XRCC4: variants seen among roughly 807,000 people sequenced by gnomAD.
XRCC4 encodes the protein DNA repair protein XRCC4.
A neutral mutation model predicts 39.1 loss-of-function variants in XRCC4; 28 were observed. That is an observed-to-expected ratio of 0.72 (90% confidence interval 0.53 to 0.98). XRCC4 has a LOEUF of 0.98. Among genes scored for constraint, XRCC4 ranks in the 50% least tolerant of loss-of-function variants. The pLI is 0.00. For synonymous variants in XRCC4, 123 were observed against 126.4 expected (o/e 0.97, Z 0.18); for missense variants, 350 against 376.4 (o/e 0.93, Z 0.58).
the XRCC4 span, among the ~76,000 whole-genome samples, chr5:83,362,294 CAAAAAAAAA>C: frequency 4.1e-5 from 3 of 73,184 alleles, no homozygotes; most frequent in South Asian, 5.4e-4. Flanking sequence ...GCTATTTAGG[CAAAAAAAAA>C]AAAAAAAAAA....
At chr5:83,279,174 T>G (rs1050947020) in intron 7 of XRCC4, among the ~76,000 whole-genome samples, 3 of 150,428 alleles carry the variant, frequency 2.0e-5, no homozygotes, top group Admixed American at 6.7e-5. Flanking sequence ...AAAATAGGGA[T>G]GCATAGTGCT....
chr5:83,093,373 A>G (rs1204745254), intron 1 of XRCC4, among the ~76,000 whole-genome samples: 2 of 152,240 alleles, frequency 1.3e-5, no homozygotes, highest in Admixed American at 1.3e-4. Context: ...AGAGAACTTC[A>G]ATGCACCACT....
chr5:83,304,315 A>T (rs1755402439), intron 7 of XRCC4, among the ~76,000 whole-genome samples: 1 of 151,840 alleles, frequency 6.6e-6, no homozygotes, highest in African/African-American at 2.4e-5. Flanking sequence ...GTGGGATTAC[A>T]GGAGTGCCCC....
rs1397423985 is a variant in XRCC4 at position 83,318,291 on chromosome 5, G to C, written c.894-34840G>C. Among the ~76,000 whole-genome samples the C allele has an allele frequency of 1.9e-4, 25 of 129,298 alleles. 2 individuals carry two copies. The South Asian group carries it at 4.9e-3, about 25-fold the overall frequency. The allele number at this position is 129,298 out of a possible 152,430, so 84.8% of individuals were successfully genotyped here. A position where few individuals can be genotyped will look rare whatever the true frequency, so the allele number is the denominator to read the frequency against. On this transcript the variant is annotated intron_variant, in intron 7 of 7. Coordinates refer to ENST00000396027, the MANE Select transcript of XRCC4 (RefSeq NM_003401.5). ...CTGGAAGCATTCCCTTTGAAAACTGGCACAAGACAGGGATGCCCTCTCTCA... is the reference window on the plus strand; with the variant it reads ...CTGGAAGCATTCCCTTTGAAAACTGCCACAAGACAGGGATGCCCTCTCTCA...
intron 7 of XRCC4, among the ~76,000 whole-genome samples, chr5:83,348,628 C>A (rs1014067311): frequency 6.6e-6 from 1 of 152,198 alleles, no homozygotes; most frequent in Non-Finnish European, 1.5e-5. Context: ...ATGGGAGGGG[C>A]TGCCATGAAG....
At chr5:83,189,115 G>GT (rs1209485729) in intron 3 of XRCC4, among the ~76,000 whole-genome samples, 2 of 152,100 alleles carry the variant, frequency 1.3e-5, no homozygotes, top group Non-Finnish European at 2.9e-5. Flanking sequence ...ATTTTTAATT[G>GT]TAACACCTAA....
At chr5:83,352,514 T>C (rs1757111457) in intron 7 of XRCC4, among the ~76,000 whole-genome samples, 1 of 152,174 alleles carries the variant, frequency 6.6e-6, no homozygotes, top group Non-Finnish European at 1.5e-5. Flanking sequence ...TCTACATAAA[T>C]ATAGCAGTCA....
intron 3 of XRCC4, among the ~76,000 whole-genome samples, chr5:83,130,742 C>A (rs1747531938): frequency 6.6e-6 from 1 of 152,164 alleles, no homozygotes; most frequent in African/African-American, 2.4e-5. Flanking sequence ...TCTAGATTTT[C>A]TAGTTTATTT....
At chr5:83,363,474 G>A in the XRCC4 span, among the ~76,000 whole-genome samples, 1 of 152,156 alleles carries the variant, frequency 6.6e-6, no homozygotes, top group Non-Finnish European at 1.5e-5. Context: ...TGAAGGTAAC[G>A]TGAAGGCACA....
chr5:83,167,392 A>G (rs936093315), intron 3 of XRCC4, among the ~76,000 whole-genome samples: 3 of 152,232 alleles, frequency 2.0e-5, no homozygotes, highest in African/African-American at 7.2e-5. Flanking sequence ...AGATTCTGAC[A>G]GTACAAGGAA....
intron 7 of XRCC4, among the ~76,000 whole-genome samples, chr5:83,340,274 T>C (rs144777007): frequency 6.6e-6 from 1 of 152,126 alleles, no homozygotes; most frequent in East Asian, 1.9e-4. Context: ...ACTAGAGTGG[T>C]AGAATAGTAA....
rs756922746 is a variant in XRCC4 at position 83,136,161 on chromosome 5, A to G, written c.315+24958A>G. On this transcript the variant is annotated intron_variant, in intron 3 of 7. Coordinates refer to ENST00000396027, the MANE Select transcript of XRCC4 (RefSeq NM_003401.5). ...TTCTGAGTCCTTTTACCTGATCCCT[A>G]TTGTTTTTATACAAGAGGGTATAGT... Among the ~76,000 whole-genome samples the G allele has an allele frequency of 2.0e-5, 3 of 152,148 alleles. 1 individual carries two copies. The highest frequency in any genetic ancestry group is 4.1e-4 in the South Asian group (2 of 4,834).
rs28360295 is a variant in XRCC4 at position 83,310,533 on chromosome 5, C to T, written c.894-42598C>T. ...CTGCGGCAAACAGAATAAGCTTCCC[C>T]ATCTCCCTCAGAAAAGCCATCAATT... On this transcript the variant is annotated intron_variant, in intron 7 of 7. Transcript: ENST00000396027. Among the ~76,000 whole-genome samples the T allele has an allele frequency of 6.4e-4, 97 of 152,274 alleles. 1 individual carries two copies. Among genetic ancestry groups the T allele is most frequent in the Middle Eastern group, 3.4e-3 (1 of 294 alleles).
chr5:83,102,369 C>T (rs1280967258), intron 1 of XRCC4, among the ~76,000 whole-genome samples: 1 of 151,974 alleles, frequency 6.6e-6, no homozygotes, highest in East Asian at 1.9e-4. Flanking sequence ...CTGTATGGAC[C>T]CTACTGGTAT....
At chr5:83,337,792 T>C (rs1405850710) in intron 7 of XRCC4, among the ~76,000 whole-genome samples, 1 of 152,218 alleles carries the variant, frequency 6.6e-6, no homozygotes, top group Non-Finnish European at 1.5e-5. Context: ...GAACAAAGAC[T>C]TACTTGATTT....
At chr5:83,196,206 T>G (rs1030765753) in intron 4 of XRCC4, among the ~76,000 whole-genome samples, 8 of 152,234 alleles carry the variant, frequency 5.3e-5, no homozygotes, top group African/African-American at 1.4e-4. Context: ...TTAATACTAA[T>G]AAAAGATTTA....
chr5:83,110,158 G>T (rs1025735184), intron 2 of XRCC4, among the ~76,000 whole-genome samples: 5 of 151,972 alleles, frequency 3.3e-5, no homozygotes, highest in Non-Finnish European at 5.9e-5. Flanking sequence ...TGCCACTTTG[G>T]CTAGAGGTGA....
chr5:83,153,022 T>A (rs950944752), intron 3 of XRCC4, among the ~76,000 whole-genome samples: 3 of 152,190 alleles, frequency 2.0e-5, no homozygotes, highest in Non-Finnish European at 4.4e-5. Context: ...CAAGAATACT[T>A]CCTGTTGTCC....
downstream of XRCC4, chr5:83,353,762 A>G (rs1214488911): frequency 2.6e-5 from 4 of 152,158 alleles, no homozygotes; most frequent in African/African-American, 7.2e-5. Flanking sequence ...TACATTGAAG[A>G]TTTTGTGTTT....
Sources: allele counts gnomAD v4.1 joint callset (sites outside exome capture counted in the v4.1 genomes callset), GRCh38; gene constraint gnomAD v4.1.1; transcripts MANE v1.5; gene names NCBI Gene and HGNC (gene_info 2026-07-23, HGNC 2026-07-21).